Variants in MYO9A observed in about 807,000 individuals in gnomAD.
MYO9A encodes the protein myosin IXA.
A neutral mutation model predicts 293.3 loss-of-function variants in MYO9A; 103 were observed. The observed-to-expected ratio is 0.35, with a 90% confidence interval of 0.30 to 0.41. The LOEUF is 0.41. Ranked by LOEUF, MYO9A falls within the 10% of genes least tolerant of loss-of-function variation. The pLI is 1.00. For synonymous variants in MYO9A, 1,001 were observed against 1,035.7 expected (o/e 0.97, Z 0.64); for missense variants, 2,685 against 3,033.0 (o/e 0.89, Z 2.69).
At chr15:71,892,176 G>A (rs1323949850) in intron 26 of MYO9A, 2 of 152,058 alleles carry the variant, frequency 1.3e-5, no homozygotes, top group African/African-American at 4.8e-5. Context: ...CACCTGATTT[G>A]GGCTGAGAAG....
intron 16 of MYO9A, among the ~76,000 whole-genome samples, chr15:71,937,006 G>T (rs868071484): frequency 7.0e-6 from 1 of 142,338 alleles, no homozygotes; most frequent in Non-Finnish European, 1.5e-5. Context: ...GCAAGTGAGG[G>T]AAGAAGGAAA....
Position 71,901,416 on chromosome 15 carries a change from T to C in MYO9A, c.3001-76A>G, listed in dbSNP as rs7162931. The C allele has an allele frequency of 3.7e-3, 5,280 of 1,437,420 alleles. 156 individuals carry two copies. The African/African-American group carries it at 0.065, about 18-fold the overall frequency. 89.0% of individuals were successfully genotyped at this position (1,437,420 alleles called of 1,614,324 possible). On this transcript the variant is annotated intron_variant, in intron 22 of 41. Transcript: ENST00000356056. Reference sequence around the variant, plus strand: ...TTTATTTCATGAATCATCCTTTCTGTGATAAGCTTTTAGAGAAGAACAAAC... The same window carrying C: ...TTTATTTCATGAATCATCCTTTCTGCGATAAGCTTTTAGAGAAGAACAAAC...
rs772779167 is a variant in MYO9A at position 71,994,627 on chromosome 15, T to C, written c.1471-42A>G. 3 of 1,183,526 alleles carry C rather than the reference T, an allele frequency of 2.5e-6. No homozygotes were observed. In the South Asian group the frequency reaches 4.4e-5, roughly 17 times the overall value. The allele number at this position is 1,183,526 out of a possible 1,614,324, so 73.3% of individuals were successfully genotyped here. A position where few individuals can be genotyped will look rare whatever the true frequency, so the allele number is the denominator to read the frequency against. ...TTACAAGTGCATGTAGAATTGACAA[T>C]GATTAAGATACTATGACAAAGTTGT... On this transcript the variant is annotated intron_variant, in intron 9 of 41. Transcript: ENST00000356056.
intron 1 of MYO9A, among the ~76,000 whole-genome samples, chr15:72,064,078 T>G (rs2078951245): frequency 6.6e-6 from 1 of 152,230 alleles, no homozygotes; most frequent in African/African-American, 2.4e-5. Context: ...AAACTTTGCA[T>G]TATCTCATTC....
chr15:71,916,436 G>A lies in MYO9A; in HGVS notation c.2619C>T (p.Arg873=). ...KHLTRLTLQD[R]ITKSLLHLHK... ...GTAAATGAAGAAGAGACTTGGTAAT[G>A]CGATCTTGTAGTGTCAGTCTTGTCA... Residue 873 remains arginine (R), a synonymous_variant, in exon 19 of 42, where the codon CGC becomes CGT. Coordinates refer to ENST00000356056, the MANE Select transcript of MYO9A (RefSeq NM_006901.4). 1 of 1,613,636 alleles carries A rather than the reference G, an allele frequency of 6.2e-7. No homozygotes were observed. Among genetic ancestry groups the A allele is most frequent in the South Asian group, 1.1e-5 (1 of 91,010 alleles).
intron 13 of MYO9A, 131 bp from the exon 14 acceptor site, chr15:71,960,227 G>T: frequency 1.3e-6 from 1 of 758,602 alleles, no homozygotes; most frequent in Non-Finnish European, 2.1e-6. Flanking sequence ...CCATGGTGGA[G>T]ATGGGGCCTG....
At chr15:72,097,029 T>G (rs2080086047) in intron 1 of MYO9A, among the ~76,000 whole-genome samples, 1 of 152,214 alleles carries the variant, frequency 6.6e-6, no homozygotes, top group African/African-American at 2.4e-5. Context: ...ATCTACTCCT[T>G]GAGAAGATGC....
chr15:72,089,787 A>T (rs1338624010), intron 1 of MYO9A, among the ~76,000 whole-genome samples: 1 of 152,124 alleles, frequency 6.6e-6, no homozygotes, highest in Non-Finnish European at 1.5e-5. Context: ...CTCAAAAACA[A>T]AAGCAAAAAA....
At chr15:72,067,440 C>A (rs1470668736) in intron 1 of MYO9A, among the ~76,000 whole-genome samples, 15 of 151,904 alleles carry the variant, frequency 9.9e-5, no homozygotes, top group African/African-American at 3.1e-4. Context: ...CCTGCCCACA[C>A]CTGGCTAATT....
chr15:71,863,102 A>AT (rs1173935615), intron 32 of MYO9A, among the ~76,000 whole-genome samples: 50 of 150,194 alleles, frequency 3.3e-4, no homozygotes, highest in Middle Eastern at 3.4e-3. Flanking sequence ...ATTTTTGTAT[A>AT]TATTTTTTTT....
intron 1 of MYO9A, among the ~76,000 whole-genome samples, chr15:72,098,882 CGAA>C (rs2080156810): frequency 6.7e-6 from 1 of 150,094 alleles, no homozygotes; most frequent in Admixed American, 6.6e-5. Context: ...ATGATAAAAA[CGAA>C]GAAGTGATAA....
chr15:72,055,824 G>A lies in MYO9A; in HGVS notation c.-71-9190C>T, dbSNP rs183152443. ...ATCAAAAAAATAATAGATGCTGGCA[G>A]GGATGTGGTGAAAAGAGAACACACT... On this transcript the variant is annotated intron_variant, in intron 1 of 41. Coordinates refer to ENST00000356056, the MANE Select transcript of MYO9A (RefSeq NM_006901.4). Among the ~76,000 whole-genome samples, 138 of 152,310 alleles carry A rather than the reference G, an allele frequency of 9.1e-4. 1 individual carries two copies. The highest frequency in any genetic ancestry group is 3.4e-3 in the Middle Eastern group (1 of 294).
intron 18 of MYO9A, among the ~76,000 whole-genome samples, chr15:71,924,618 T>C (rs923528704): frequency 3.3e-5 from 5 of 152,004 alleles, no homozygotes; most frequent in African/African-American, 4.8e-5. Flanking sequence ...GAAAGGTCCA[T>C]GTGCTAATGA....
At chr15:71,906,758 C>CTT (rs71131714) in intron 19 of MYO9A, among the ~76,000 whole-genome samples, 25 of 61,032 alleles carry the variant, frequency 4.1e-4, no homozygotes, top group East Asian at 1.7e-3. Flanking sequence ...CCATTTCTTT[C>CTT]TTTTTTTTTT....
chr15:72,051,942 T>C (rs1459609479), intron 1 of MYO9A, among the ~76,000 whole-genome samples: 5 of 152,304 alleles, frequency 3.3e-5, no homozygotes, highest in South Asian at 2.1e-4. Flanking sequence ...AGGCTTTCCA[T>C]TGGCACCCGA....
rs1322836849 is a variant in MYO9A at position 71,916,483 on chromosome 15, C to G, written c.2572G>C (p.Glu858Gln). The change falls in exon 19 of 42, where the codon GAA (glutamate) becomes CAA (glutamine). Residue 858 changes from glutamate to glutamine, a missense_variant. This residue lies in a region of MYO9A where 1,434 missense variants were observed against 1,497.7 expected (regional missense o/e 0.96). Coordinates refer to ENST00000356056, the MANE Select transcript of MYO9A (RefSeq NM_006901.4). ...SKPALPKHLL[E>Q]VNSLKHLTRL... ...GTCAGGTGCTTTAAAGAATTTACTT[C>G]TAGCAAGTGCTGAAAGAAGAGAAAA... The G allele has an allele frequency of 1.2e-6, 2 of 1,603,604 alleles. No individual in the cohort carries two copies. The highest frequency in any genetic ancestry group is 1.7e-6 in the Non-Finnish European group (2 of 1,177,392).
At chr15:71,972,491 T>C (rs965359575) in intron 12 of MYO9A, among the ~76,000 whole-genome samples, 3 of 152,146 alleles carry the variant, frequency 2.0e-5, no homozygotes, top group Non-Finnish European at 2.9e-5. Flanking sequence ...GGTGCAGTTT[T>C]GGGGACTGAG....
chr15:72,040,725 A>T (rs1566974522), intron 2 of MYO9A, among the ~76,000 whole-genome samples: 1 of 152,150 alleles, frequency 6.6e-6, no homozygotes. Context: ...TATTTTATAC[A>T]TTTCTTTCTA....
At chr15:72,005,689 G>A (rs892324611) in intron 8 of MYO9A, among the ~76,000 whole-genome samples, 3 of 152,012 alleles carry the variant, frequency 2.0e-5, no homozygotes, top group Non-Finnish European at 4.4e-5. Context: ...GCCCAATCAC[G>A]TACAGAAAAA....
Sources: gnomAD v4.1 joint callset for allele counts (sites outside exome capture counted in the v4.1 genomes callset) on GRCh38, gnomAD v4.1.1 for gene constraint, gnomAD v4.1.1 regional missense constraint, MANE v1.5 for transcripts, NCBI Gene and HGNC (gene_info 2026-07-23, HGNC 2026-07-21) for gene names.